AMPH: variants seen among roughly 807,000 people sequenced by gnomAD.
AMPH encodes the protein amphiphysin (Stiff-Mann syndrome with breast cancer 128kD autoantigen).
Under a neutral mutation model 99.1 loss-of-function variants are expected in AMPH, and 49 were observed. The observed-to-expected ratio is 0.49, with a 90% CI of 0.39 to 0.63. The LOEUF is 0.63. Ranked by LOEUF, AMPH falls within the 20% of genes least tolerant of loss-of-function variation. The pLI is 0.00. For synonymous variants in AMPH, 314 were observed against 317.3 expected (o/e 0.99, Z 0.11); for missense variants, 759 against 863.4 (o/e 0.88, Z 1.52).
chr7:38,623,664 T>A (rs905785699), intron 1 of AMPH, among the ~76,000 whole-genome samples: 81 of 152,324 alleles, frequency 5.3e-4, no homozygotes, highest in Non-Finnish European at 2.5e-4. Context: ...TATAAACTAC[T>A]CTTCTACAGA....
At chr7:38,392,377 CTTTTTTTTTTTTT>C (rs574057389) in intron 18 of AMPH, among the ~76,000 whole-genome samples, 1 of 42,048 alleles carries the variant, frequency 2.4e-5, no homozygotes, top group Non-Finnish European at 4.0e-5. Flanking sequence ...CGGCCTGGTT[CTTTTTTTTTTTTT>C]TTTTTTTTTT....
At chr7:38,448,848 G>T (rs1322130461) in intron 11 of AMPH, among the ~76,000 whole-genome samples, 1 of 152,146 alleles carries the variant, frequency 6.6e-6, no homozygotes, top group African/African-American at 2.4e-5. Flanking sequence ...CAATAAACTA[G>T]ACCTTCTAGG....
At chr7:38,552,685 T>C (rs764028716) in intron 1 of AMPH, among the ~76,000 whole-genome samples, 3 of 152,174 alleles carry the variant, frequency 2.0e-5, no homozygotes, top group Non-Finnish European at 4.4e-5. Flanking sequence ...TCAGCACCAT[T>C]AATTTCCCTA....
intron 2 of AMPH, among the ~76,000 whole-genome samples, chr7:38,510,925 A>C (rs1023459350): frequency 6.6e-6 from 1 of 152,204 alleles, no homozygotes; most frequent in Non-Finnish European, 1.5e-5. Flanking sequence ...AGTTTATTCC[A>C]TGTGATTCAT....
chr7:38,388,464 T>C (rs2128973074), intron 20 of AMPH, among the ~76,000 whole-genome samples: 1 of 152,166 alleles, frequency 6.6e-6, no homozygotes, highest in South Asian at 2.1e-4. Flanking sequence ...CATTCATTTG[T>C]GAATTTATTT....
chr7:38,477,314 A>G (rs932990071), intron 5 of AMPH, among the ~76,000 whole-genome samples: 1 of 152,172 alleles, frequency 6.6e-6, no homozygotes, highest in African/African-American at 2.4e-5. Flanking sequence ...AAATCTTTAA[A>G]TGTTCTATTC....
At chr7:38,621,595 C>T (rs759572219) in intron 1 of AMPH, among the ~76,000 whole-genome samples, 27 of 151,808 alleles carry the variant, frequency 1.8e-4, no homozygotes, top group African/African-American at 5.3e-4. Context: ...ATTATAGGCA[C>T]GTAAAGATAG....
chr7:38,475,496 A>G, intron 6 of AMPH, 80 bp from the exon 7 acceptor site: 1 of 932,642 alleles, frequency 1.1e-6, no homozygotes, highest in African/African-American at 1.7e-5. Flanking sequence ...GTAAAATAAG[A>G]ATAGTCTTAT....
At chr7:38,540,028 T>C (rs372568359) in intron 1 of AMPH, among the ~76,000 whole-genome samples, 5 of 152,302 alleles carry the variant, frequency 3.3e-5, no homozygotes, top group African/African-American at 9.6e-5. Flanking sequence ...TTTGGCAGTG[T>C]TGAAAACACC....
At chr7:38,574,021 T>C (rs1792142146) in intron 1 of AMPH, among the ~76,000 whole-genome samples, 1 of 152,136 alleles carries the variant, frequency 6.6e-6, no homozygotes, top group Non-Finnish European at 1.5e-5. Context: ...CTACATAGAT[T>C]TCAGTGCTCA....
chr7:38,616,307 T>G (rs1793870393), intron 1 of AMPH, among the ~76,000 whole-genome samples: 1 of 152,164 alleles, frequency 6.6e-6, no homozygotes, highest in Non-Finnish European at 1.5e-5. Context: ...CCCATGGGGA[T>G]GCAGGAGTGA....
chr7:38,436,962 G>C (rs1786290503), intron 11 of AMPH, among the ~76,000 whole-genome samples: 1 of 152,156 alleles, frequency 6.6e-6, no homozygotes, highest in African/African-American at 2.4e-5. Flanking sequence ...TTTCAATTGT[G>C]TATGTGTATG....
At chr7:38,393,970 C>G in intron 18 of AMPH, 35 bp downstream of exon 18, 1 of 1,609,828 alleles carries the variant, frequency 6.2e-7, no homozygotes, top group South Asian at 1.1e-5. Flanking sequence ...TGCTACTTCC[C>G]AGGAGCTCCC....
chr7:38,496,522 A>C (rs1788938624), intron 3 of AMPH, among the ~76,000 whole-genome samples: 1 of 152,148 alleles, frequency 6.6e-6, no homozygotes, highest in Admixed American at 6.5e-5. Context: ...GACTCTGGGG[A>C]CTCTGATGAA....
At chr7:38,416,646 T>C (rs1046618843) in intron 17 of AMPH, among the ~76,000 whole-genome samples, 4 of 152,186 alleles carry the variant, frequency 2.6e-5, no homozygotes, top group Non-Finnish European at 5.9e-5. Context: ...TTCCCTTCCT[T>C]TGTTATTTAA....
chr7:38,484,993 A>G (rs899143618), intron 5 of AMPH, among the ~76,000 whole-genome samples: 1 of 151,926 alleles, frequency 6.6e-6, no homozygotes, highest in African/African-American at 2.4e-5. Flanking sequence ...AAGTAAAACA[A>G]AAAAATCAAA....
At chr7:38,519,889 T>G (rs73694534) in intron 2 of AMPH, among the ~76,000 whole-genome samples, 134 of 152,272 alleles carry the variant, frequency 8.8e-4, no homozygotes, top group African/African-American at 3.2e-3. Context: ...TACCTATCAG[T>G]TGTGGATTAA....
chr7:38,493,252 G>T (rs1032822508), intron 4 of AMPH, among the ~76,000 whole-genome samples: 3 of 152,106 alleles, frequency 2.0e-5, no homozygotes, highest in Non-Finnish European at 2.9e-5. Flanking sequence ...TCAAATTTAG[G>T]TCGTCTGTGC....
At chr7:38,574,039 T>C (rs1050724244) in intron 1 of AMPH, among the ~76,000 whole-genome samples, 2 of 152,190 alleles carry the variant, frequency 1.3e-5, no homozygotes, top group African/African-American at 4.8e-5. Context: ...TCAAACACAA[T>C]GCCATGCTGC....
Sources: allele counts gnomAD v4.1 joint callset (sites outside exome capture counted in the v4.1 genomes callset), GRCh38; gene constraint gnomAD v4.1.1; transcripts MANE v1.5; gene names NCBI Gene and HGNC (gene_info 2026-07-23, HGNC 2026-07-21).